Variants in DTNA observed in about 807,000 individuals in gnomAD.
The protein encoded by DTNA is dystrobrevin alpha.
DTNA carries 43 observed loss-of-function variants against 100.7 expected under a neutral mutation model. That is an observed-to-expected ratio of 0.43 (90% CI 0.33 to 0.55). The LOEUF (loss-of-function observed/expected upper bound fraction) is 0.55. DTNA is among the 20% of genes least tolerant of loss of function. The pLI is 0.04. For missense variants in DTNA, 798 were observed against 953.9 expected (o/e 0.84, Z 2.15); for synonymous variants, 349 against 347.9 (o/e 1.00, Z -0.04).
At chr18:34,804,061 G>A (rs2095296750) in intron 4 of DTNA, among the ~76,000 whole-genome samples, 3 of 152,150 alleles carry the variant, frequency 2.0e-5, no homozygotes, top group Non-Finnish European at 4.4e-5. Flanking sequence ...TGTGACAGAT[G>A]CCACATAATA....
intron 9 of DTNA, among the ~76,000 whole-genome samples, chr18:34,821,307 T>G (rs1414849287): frequency 6.6e-6 from 1 of 152,250 alleles, no homozygotes; most frequent in Non-Finnish European, 1.5e-5. Flanking sequence ...GTTTGTTTTA[T>G]TTCTCTGCAG....
intron 1 of DTNA, among the ~76,000 whole-genome samples, chr18:34,651,298 C>G (rs1229972566): frequency 2.6e-5 from 4 of 152,128 alleles, no homozygotes; most frequent in Non-Finnish European, 5.9e-5. Flanking sequence ...AGTAAGATTA[C>G]TATGAGGATA....
At chr18:34,682,662 G>A (rs1408992766) in intron 1 of DTNA, among the ~76,000 whole-genome samples, 2 of 151,894 alleles carry the variant, frequency 1.3e-5, no homozygotes, top group African/African-American at 4.8e-5. Context: ...TCTTTGGTGA[G>A]GTGTCTGTTC....
chr18:34,545,178 G>A lies in DTNA; in HGVS notation c.-2+51664G>A, dbSNP rs139917492. On this transcript the variant is annotated intron_variant, in intron 1 of 19. Transcript: ENST00000283365. ...ATAGGGAAGTATGAGTCCAGGCAGC[G>A]CTTGGAACAAGGGATCTGATAAGTA... Among the ~76,000 whole-genome samples the A allele has an allele frequency of 2.3e-3, 343 of 152,074 alleles. 2 individuals carry two copies. Among genetic ancestry groups the A allele is most frequent in the African/African-American group, 7.8e-3 (324 of 41,498 alleles).
intron 2 of DTNA, chr18:34,760,168 G>C (rs2093048630): frequency 6.6e-6 from 1 of 152,152 alleles, no homozygotes; most frequent in Non-Finnish European, 1.5e-5. Flanking sequence ...CATGGATACG[G>C]TGACTGTTTT....
intron 2 of DTNA, among the ~76,000 whole-genome samples, chr18:34,759,775 T>G (rs145673976): frequency 2.9e-3 from 444 of 152,248 alleles, no homozygotes; most frequent in African/African-American, 0.011. Context: ...TCCGCCTCCC[T>G]GTTCAAGCGA....
At chr18:34,790,972 G>A (rs2094713663) in intron 3 of DTNA, among the ~76,000 whole-genome samples, 1 of 152,080 alleles carries the variant, frequency 6.6e-6, no homozygotes, top group Admixed American at 6.5e-5. Context: ...GCAGCGGGAG[G>A]ATGGTGGCAT....
At chr18:34,762,327 C>G (rs900471039) in intron 2 of DTNA, among the ~76,000 whole-genome samples, 10 of 152,124 alleles carry the variant, frequency 6.6e-5, no homozygotes. Context: ...GGTCACAATA[C>G]AGTTAGGTAG....
intron 1 of DTNA, among the ~76,000 whole-genome samples, chr18:34,619,269 G>C (rs897635161): frequency 6.6e-6 from 1 of 152,048 alleles, no homozygotes; most frequent in Non-Finnish European, 1.5e-5. Flanking sequence ...TGTTAAACAG[G>C]TTAACATTTA....
At chr18:34,686,545 C>T (rs1193646384) in intron 1 of DTNA, among the ~76,000 whole-genome samples, 4 of 152,000 alleles carry the variant, frequency 2.6e-5, no homozygotes, top group Non-Finnish European at 4.4e-5. Flanking sequence ...TTTGCCAGTA[C>T]GTTATTGAAG....
intron 5 of DTNA, among the ~76,000 whole-genome samples, chr18:34,809,170 A>G (rs2095430698): frequency 1.3e-5 from 2 of 152,232 alleles, no homozygotes; most frequent in Non-Finnish European, 2.9e-5. Flanking sequence ...ATAATTATTA[A>G]TGGAATGAGC....
chr18:34,655,632 A>G (rs537796094), intron 1 of DTNA, among the ~76,000 whole-genome samples: 27 of 152,328 alleles, frequency 1.8e-4, no homozygotes, highest in African/African-American at 6.3e-4. Flanking sequence ...AAAATATCCA[A>G]AGGGTAACTT....
rs1321505002 is a variant in DTNA at position 34,890,021 on chromosome 18, AG to A, written c.*2289del. Reference sequence around the variant, plus strand: ...ATGCTGTCAGCTCAAAATCATAGCCAGGTAGTTCTTGAACTCAGAACTTAAA... The same window carrying A: ...ATGCTGTCAGCTCAAAATCATAGCCAGTAGTTCTTGAACTCAGAACTTAAA... On this transcript the variant is annotated 3_prime_UTR_variant, in exon 23 of 23. Coordinates refer to ENST00000444659, the MANE Select transcript of DTNA (RefSeq NM_001386795.1). 2 of 1,259,012 alleles carry A rather than the reference AG, an allele frequency of 1.6e-6. No individual in the cohort carries two copies. The highest frequency in any genetic ancestry group is 7.4e-5 in the Admixed American group (2 of 26,956). 78.0% of individuals were successfully genotyped at this position (1,259,012 alleles called of 1,614,324 possible).
intron 1 of DTNA, among the ~76,000 whole-genome samples, chr18:34,573,071 G>A (rs2047746998): frequency 1.3e-5 from 2 of 152,124 alleles, no homozygotes; most frequent in Admixed American, 1.3e-4. Context: ...CACACAGTAG[G>A]TGCTCAGTAA....
At chr18:34,634,899 G>A (rs1486300906) in intron 1 of DTNA, among the ~76,000 whole-genome samples, 1 of 152,086 alleles carries the variant, frequency 6.6e-6, no homozygotes, top group Non-Finnish European at 1.5e-5. Flanking sequence ...GCGTTGTGCT[G>A]AAAATTTTAC....
intron 1 of DTNA, among the ~76,000 whole-genome samples, chr18:34,649,333 G>C (rs1568118162): frequency 6.6e-6 from 1 of 152,134 alleles, no homozygotes; most frequent in Non-Finnish European, 1.5e-5. Flanking sequence ...TCTGCAAAAC[G>C]GCTGCTATTG....
intron 1 of DTNA, among the ~76,000 whole-genome samples, chr18:34,619,849 AT>A (rs1197260382): frequency 1.5e-4 from 23 of 152,366 alleles, no homozygotes; most frequent in South Asian, 8.3e-4. Context: ...AGTATGAGTT[AT>A]CCCAAGAAGG....
chr18:34,819,516 T>A (rs1329089898), intron 8 of DTNA, among the ~76,000 whole-genome samples: 2 of 152,224 alleles, frequency 1.3e-5, no homozygotes, highest in Non-Finnish European at 2.9e-5. Flanking sequence ...TTCTTATTGT[T>A]AGCATATTAC....
chr18:34,641,250 A>G (rs1322565147), intron 1 of DTNA, among the ~76,000 whole-genome samples: 1 of 152,206 alleles, frequency 6.6e-6, no homozygotes, highest in Non-Finnish European at 1.5e-5. Context: ...AAATAATTAT[A>G]ACTATTAATA....
Sources: gnomAD v4.1 joint callset for allele counts (sites outside exome capture counted in the v4.1 genomes callset) on GRCh38, gnomAD v4.1.1 for gene constraint, MANE v1.5 for transcripts, NCBI Gene and HGNC (gene_info 2026-07-23, HGNC 2026-07-21) for gene names.